Variants in COX7A1 observed in about 807,000 individuals in gnomAD.
COX7A1 encodes the protein cytochrome c oxidase subunit 7A1, also known as cytochrome c oxidase subunit 7A1, mitochondrial.
In COX7A1, 21 loss-of-function variants were observed where a neutral mutation model predicts 13.2. The ratio of observed to expected loss-of-function variants is 1.59; its 90% CI spans 1.13 to 2.29. COX7A1 has a LOEUF of 2.29. Ranked by LOEUF, COX7A1 falls within the 30% of genes most tolerant of loss-of-function variation. The pLI is 0.00. For missense variants in COX7A1, 107 were observed against 100.0 expected (o/e 1.07, Z -0.30); for synonymous variants, 41 against 41.9 (o/e 0.98, Z 0.08).
chr19:36,151,486 C>T lies in COX7A1; in HGVS notation c.163G>A (p.Val55Met). The change falls in exon 3 of 4, where the codon GTG (valine) becomes ATG (methionine). Residue 55 changes from valine to methionine, a missense_variant. Physicochemically the swap from Val to Met is conservative, Grantham distance 21. Transcript: ENST00000292907. The part of the protein sequence containing the change: ...GGIVDNILYR[V>M]TMTLCLGGTV... ...CCGCCCAGACACAGCGTCATTGTCA[C>T]TCGGTACAGGATGTTGTCAACGATG... The T allele has an allele frequency of 6.2e-7, 1 of 1,614,224 alleles. No individual in the cohort carries two copies. The highest frequency in any genetic ancestry group is 8.5e-7 in the Non-Finnish European group (1 of 1,180,032).
In COX7A1 at chr19:36,152,144, G is replaced by A. The variant is rs2145939497; in HGVS notation, c.15+249C>T. 3 of 577,304 alleles carry A rather than the reference G, an allele frequency of 5.2e-6. No homozygotes were observed. In the South Asian group the frequency reaches 6.9e-5, roughly 13 times the overall value. 35.8% of individuals were successfully genotyped at this position (577,304 alleles called of 1,614,324 possible). A position where few individuals can be genotyped will look rare whatever the true frequency, so the allele number is the denominator to read the frequency against. On this transcript the variant is annotated intron_variant, in intron 1 of 3. Transcript: ENST00000292907. Reference sequence around the variant, plus strand: ...CGTCCAGGCTGCCTGAGAAGGCCCGGGTGAGGCCAGTGTTAAGGGTTCCCG... The same window carrying A: ...CGTCCAGGCTGCCTGAGAAGGCCCGAGTGAGGCCAGTGTTAAGGGTTCCCG...
In COX7A1 at chr19:36,152,397, A is replaced by G. The variant is rs767825601; in HGVS notation, c.11T>C (p.Leu4Pro). MQALRVSQALIRSF... is the reference protein window; with the variant it reads MQAPRVSQALIRSF... ...CCCAGCCCATGGGGGCCTCACCCGA[A>G]GGGCCTGCATTCTGCCTTGTCCTCT... The change falls in exon 1 of 4, where the codon CTT (leucine) becomes CCT (proline). Residue 4 changes from leucine to proline, a missense_variant. Leu to Pro is a moderately conservative substitution (Grantham distance 98). Coordinates refer to ENST00000292907, the MANE Select transcript of COX7A1 (RefSeq NM_001864.4). The G allele has an allele frequency of 2.9e-5, 40 of 1,368,104 alleles. No homozygotes were observed. The highest frequency in any genetic ancestry group is 5.6e-5 in the Admixed American group (2 of 35,436). The allele number at this position is 1,368,104 out of a possible 1,614,324, so 84.7% of individuals were successfully genotyped here.
intron 1 of COX7A1, 45 bp downstream of exon 1, chr19:36,152,348 G>A: frequency 6.9e-6 from 9 of 1,311,892 alleles, no homozygotes; most frequent in Non-Finnish European, 8.8e-6. Flanking sequence ...ATTAGGGCGG[G>A]GTTTTCTGGG....
chr19:36,151,645 T>TACCCCCCCCCC, intron 2 of COX7A1, 24 bp downstream of exon 2: 3 of 1,387,614 alleles, frequency 2.2e-6, no homozygotes, highest in African/African-American at 1.9e-5. Context: ...GCGCGTCGGA[T>TACCCCCCCCCC]CCCCACCCCC....
chr19:36,152,341 AG>A, intron 1 of COX7A1, 51 bp downstream of exon 1: 1 of 1,166,368 alleles, frequency 8.6e-7, no homozygotes, highest in Non-Finnish European at 1.1e-6. Context: ...GTCGCGTATT[AG>A]GGCGGGGTTT....
intron 3 of COX7A1, 71 bp from the exon 4 acceptor site, chr19:36,151,105 C>T: frequency 6.7e-7 from 1 of 1,482,834 alleles, no homozygotes; most frequent in Non-Finnish European, 9.2e-7. Context: ...CTTTTAAGGC[C>T]TTCAGGCTCC....
rs1416089866 is a variant in COX7A1 at position 36,150,994 on chromosome 19, G to A, written c.228C>T (p.Phe76=). ...AGGCTTCTTGGTCTTAATTCCTGGG[G>A]AAGGAGGCCCAGCCAAGGGAGTACA... The part of the protein sequence containing the change: ...YSLYSLGWAS[F]PRN Residue 76 remains phenylalanine (F), a synonymous_variant, in exon 4 of 4, where the codon TTC becomes TTT. Transcript: ENST00000292907. 2 of 1,614,074 alleles carry A rather than the reference G, an allele frequency of 1.2e-6. No individual in the cohort carries two copies. The highest frequency in any genetic ancestry group is 4.5e-5 in the East Asian group (2 of 44,874).
chr19:36,152,331 G>T, intron 1 of COX7A1, 62 bp downstream of exon 1: 1 of 1,250,418 alleles, frequency 8.0e-7, no homozygotes, highest in Non-Finnish European at 1.0e-6. Flanking sequence ...CACTTGGAGA[G>T]TCGCGTATTA....
At chr19:36,151,111 G>C in intron 3 of COX7A1, 77 bp from the exon 4 acceptor site, 2 of 1,454,578 alleles carry the variant, frequency 1.4e-6, no homozygotes, top group Non-Finnish European at 1.9e-6. Flanking sequence ...AGGCCTTCAG[G>C]CTCCCTGGTT....
At position 36,151,669 on chromosome 19, in the gene COX7A1, C is replaced by CCCCCCCGG; in HGVS notation, c.101_102insCCGGGGGG (p.Gln34HisfsTer13). 6.3e-7 allele frequency: 1 copy of CCCCCCCGG among 1,591,924 alleles called. No homozygotes were observed. The highest frequency in any genetic ancestry group is 8.6e-7 in the Non-Finnish European group (1 of 1,168,892). ...ATCCCCACCCCCCCCGACCCCCCAC[C>CCCCCCCGG]TGGAAGAGCTTCTGTTTCTCGCGCA... is the stretch of plus-strand genomic sequence containing the variant. On this transcript the variant is annotated frameshift_variant and splice_region_variant, in exon 2 of 4. Transcript: ENST00000292907. LOFTEE classifies it high-confidence loss of function.
At position 36,151,042 on chromosome 19, in the gene COX7A1, G is replaced by A; in HGVS notation, c.188-8C>T. 1 of 1,613,432 alleles carries A rather than the reference G, an allele frequency of 6.2e-7. No individual in the cohort carries two copies. The highest frequency in any genetic ancestry group is 1.1e-5 in the South Asian group (1 of 91,056). ...ACAAGCTGTAGACAGTGCCTAGAAA[G>A]GGGAAGCGTTGGAGACAGAATGAGA... On this transcript the variant is annotated splice_polypyrimidine_tract_variant and splice_region_variant and intron_variant, in intron 3 of 3. Coordinates refer to ENST00000292907, the MANE Select transcript of COX7A1 (RefSeq NM_001864.4).
At chr19:36,152,368 C>G in intron 1 of COX7A1, 25 bp downstream of exon 1, 5 of 1,332,408 alleles carry the variant, frequency 3.8e-6, no homozygotes, top group Non-Finnish European at 4.8e-6. Flanking sequence ...GTGGGGGGCT[C>G]CGGCCCAGCC....
chr19:36,152,278 G>A (rs1045620962), intron 1 of COX7A1, 115 bp downstream of exon 1: 4 of 732,392 alleles, frequency 5.5e-6, no homozygotes, highest in Non-Finnish European at 8.0e-6. Flanking sequence ...GGGAGTCCCA[G>A]GCCCTGAAGG....
rs375983153 is a variant in COX7A1, at chr19:36,151,498, T to C, written c.151A>G (p.Ile51Val). 10 of 1,614,066 alleles carry C rather than the reference T, an allele frequency of 6.2e-6. No homozygotes were observed. The African/African-American group carries it at 1.1e-4, about 17-fold the overall frequency. Residue 51 changes from isoleucine to valine, a missense_variant, in exon 3 of 4, where the codon ATC becomes GTC. Transcript: ENST00000292907. ...LYLKGGIVDN[I>V]LYRVTMTLCL... is the part of the protein sequence containing the mutation. ...AGCGTCATTGTCACTCGGTACAGGATGTTGTCAACGATGCCGCCCTTCAGG... is the reference window on the plus strand; with the variant it reads ...AGCGTCATTGTCACTCGGTACAGGACGTTGTCAACGATGCCGCCCTTCAGG...
chr19:36,151,936 C>T (rs1974779905), intron 1 of COX7A1, 181 bp from the exon 2 acceptor site: 1 of 728,478 alleles, frequency 1.4e-6, no homozygotes, highest in Non-Finnish European at 2.5e-6. Context: ...GGAGGGGACT[C>T]GCCCTGGAGT....
rs371763146 is a variant in COX7A1 at position 36,151,653 on chromosome 19, C to T, written c.102+16G>A. The stretch of plus-strand genomic sequence containing the variant: ...CCGGCTGGCGCGTCGGATCCCCACC[C>T]CCCCCGACCCCCCACCTGGAAGAGC... On this transcript the variant is annotated intron_variant, in intron 2 of 3. Transcript: ENST00000292907. 1.2e-5 allele frequency: 17 copies of T among 1,413,696 alleles called. No homozygotes were observed. In the African/African-American group the frequency reaches 1.6e-4, roughly 13 times the overall value. The allele number at this position is 1,413,696 out of a possible 1,614,324, so 87.6% of individuals were successfully genotyped here. A position where few individuals can be genotyped will look rare whatever the true frequency, so the allele number is the denominator to read the frequency against.
Position 36,151,013 on chromosome 19 carries a change from G to C in COX7A1, c.209C>G (p.Ser70Cys), listed in dbSNP as rs750557272. The C allele has an allele frequency of 6.2e-7, 1 of 1,614,050 alleles. No individual in the cohort carries two copies. The highest frequency in any genetic ancestry group is 1.3e-5 in the African/African-American group (1 of 75,022). ...CLGGTVYSLY[S>C]LGWASFPRN ...CCTGGGGAAGGAGGCCCAGCCAAGG[G>C]AGTACAAGCTGTAGACAGTGCCTAG... The change falls in exon 4 of 4, where the codon TCC becomes TGC. Residue 70 changes from serine (S) to cysteine (C), a missense_variant. Physicochemically the swap from Ser to Cys is moderately radical, Grantham distance 112. Coordinates refer to ENST00000292907, the MANE Select transcript of COX7A1 (RefSeq NM_001864.4).
rs1974786714 is a variant in COX7A1 at position 36,152,342 on chromosome 19, G to A, written c.15+51C>T. 3.8e-6 allele frequency: 5 copies of A among 1,301,984 alleles called. No individual in the cohort carries two copies. The South Asian group carries it at 7.7e-5, about 20-fold the overall frequency. The allele number at this position is 1,301,984 out of a possible 1,614,324, so 80.7% of individuals were successfully genotyped here. Reference sequence around the variant, plus strand: ...GGGGCACTTGGAGAGTCGCGTATTAGGGCGGGGTTTTCTGGGTGGGGGGCT... The same window carrying A: ...GGGGCACTTGGAGAGTCGCGTATTAAGGCGGGGTTTTCTGGGTGGGGGGCT... On this transcript the variant is annotated intron_variant, in intron 1 of 3. Coordinates refer to ENST00000292907, the MANE Select transcript of COX7A1 (RefSeq NM_001864.4).
intron 1 of COX7A1, 163 bp from the exon 2 acceptor site, chr19:36,151,918 C>G: frequency 1.3e-6 from 1 of 763,254 alleles, no homozygotes; most frequent in South Asian, 1.5e-5. Flanking sequence ...GAACTGCCAG[C>G]TGGGTTGGGA....
Sources: gnomAD v4.1 joint callset for allele counts on GRCh38, gnomAD v4.1.1 for gene constraint, MANE v1.5 for transcripts, NCBI Gene and HGNC (gene_info 2026-07-23, HGNC 2026-07-21) for gene names.